The following IDH2 variants were observed in gnomAD, a reference collection of about 807,000 sequenced individuals.
IDH2 encodes isocitrate dehydrogenase (NADP(+)) 2.
IDH2 carries 18 observed loss-of-function variants against 50.5 expected under a neutral mutation model. The ratio of observed to expected loss-of-function variants is 0.36; its 90% CI spans 0.25 to 0.53. IDH2 has a LOEUF of 0.53. IDH2 is among the 20% of genes least tolerant of loss of function. The pLI is 0.92. For synonymous variants in IDH2, 280 were observed against 239.8 expected (o/e 1.17, Z -1.55); for missense variants, 518 against 610.7 (o/e 0.85, Z 1.60).
At chr15:90,086,359 T>C (rs776617289) in intron 7 of IDH2, among the ~76,000 whole-genome samples, 15 of 152,190 alleles carry the variant, frequency 9.9e-5, no homozygotes, top group Non-Finnish European at 1.5e-4. Flanking sequence ...TTCTCGCTGT[T>C]CTTCTCTAAT....
chr15:90,097,590 T>A (rs952271164), intron 1 of IDH2, among the ~76,000 whole-genome samples: 2 of 152,204 alleles, frequency 1.3e-5, no homozygotes, highest in Admixed American at 1.3e-4. Flanking sequence ...TACTATATGC[T>A]TCTACTTACA....
chr15:90,088,611 A>G lies in IDH2; in HGVS notation c.510T>C (p.Ile170=). 6.2e-7 allele frequency: 1 copy of G among 1,614,172 alleles called. No homozygotes were observed. Among genetic ancestry groups the G allele is most frequent in the Non-Finnish European group, 8.5e-7 (1 of 1,180,024 alleles). ...LVPGWTKPIT[I]GRHAHGDQYK... ...CCTGGTCGCCATGGGCGTGCCTGCC[A>G]ATGGTGATGGGCTTGGTCCAGCCAG... The change falls in exon 4 of 11, where the codon ATT becomes ATC. Residue 170 remains isoleucine (I), a synonymous_variant. Coordinates refer to ENST00000330062, the MANE Select transcript of IDH2 (RefSeq NM_002168.4).
intron 6 of IDH2, 60 bp from the exon 7 acceptor site, chr15:90,087,323 TC>T (rs1900886111): frequency 6.2e-7 from 1 of 1,610,236 alleles, no homozygotes; most frequent in Non-Finnish European, 8.5e-7. Flanking sequence ...TGGGGATCCC[TC>T]CCTGAGCCTC....
chr15:90,087,611 C>T (rs749466731), intron 5 of IDH2, 36 bp from the exon 6 acceptor site: 1 of 1,611,950 alleles, frequency 6.2e-7, no homozygotes, highest in South Asian at 1.1e-5. Flanking sequence ...GCGTGGTGCC[C>T]TAGCCTGGCG....
Position 90,085,026 on chromosome 15 carries a change from G to C in IDH2, c.1153C>G (p.Leu385Val), listed in dbSNP as rs1421900352. The C allele has an allele frequency of 6.2e-7, 1 of 1,613,998 alleles. No homozygotes were observed. Reference protein sequence around the residue: ...WTRGLEHRGKLDGNQDLIRFA... With the variant: ...WTRGLEHRGKVDGNQDLIRFA... ...CTGATGAGGTCTTGGTTCCCATCCA[G>C]CTTCCCCCGGTGCTCCAGGCCACGT... is the stretch of plus-strand genomic sequence containing the variant. The change falls in exon 9 of 11, where the codon CTG (leucine) becomes GTG (valine). Residue 385 changes from leucine (L) to valine (V), a missense_variant. By Grantham distance (32) the Leu-to-Val change is conservative. Coordinates refer to ENST00000330062, the MANE Select transcript of IDH2 (RefSeq NM_002168.4). This position sits in a 1 kb window ranked among gnomAD's most constrained non-coding sequence, Gnocchi z 5.5.
Position 90,085,820 on chromosome 15 carries a change from T to C in IDH2, c.968-433A>G, listed in dbSNP as rs888476479. 4.6e-5 allele frequency among the ~76,000 whole-genome samples: 7 copies of C among 152,212 alleles called. No individual in the cohort carries two copies. Among genetic ancestry groups the C allele is most frequent in the African/African-American group, 1.4e-4 (6 of 41,452 alleles). ...TTTTGCAGCTACTCTCTTAGGCCAC[T>C]TTCAAGCTTTTTGATTAATTTCTGA... is the stretch of plus-strand genomic sequence containing the variant. On this transcript the variant is annotated intron_variant, in intron 7 of 10. Coordinates refer to ENST00000330062, the MANE Select transcript of IDH2 (RefSeq NM_002168.4). This position sits in a 1 kb window ranked among gnomAD's most constrained non-coding sequence, Gnocchi z 5.5.
rs1237752648 is a variant in IDH2 at position 90,085,288 on chromosome 15, C to T, written c.1067G>A (p.Arg356Gln). Residue 356 changes from arginine (R) to glutamine (Q), a missense_variant, in exon 8 of 11, where the codon CGG (arginine) becomes CAG (glutamine). Coordinates refer to ENST00000330062, the MANE Select transcript of IDH2 (RefSeq NM_002168.4). This position sits in a 1 kb window ranked among gnomAD's most constrained non-coding sequence, Gnocchi z 5.5. Reference sequence around the variant, plus strand: ...CCCTGCACTCACCTTCTGGTGCTCCCGATAGTGGCGGGTGACGGTCCCATG... The same window carrying T: ...CCCTGCACTCACCTTCTGGTGCTCCTGATAGTGGCGGGTGACGGTCCCATG... ...AAHGTVTRHYREHQKGRPTST... is the reference protein window; with the variant it reads ...AAHGTVTRHYQEHQKGRPTST... 1.3e-5 allele frequency: 20 copies of T among 1,557,170 alleles called. No individual in the cohort carries two copies. The highest frequency in any genetic ancestry group is 2.4e-5 in the East Asian group (1 of 41,508).
chr15:90,090,163 C>T (rs979404783), intron 3 of IDH2, among the ~76,000 whole-genome samples: 1 of 152,224 alleles, frequency 6.6e-6, no homozygotes, highest in African/African-American at 2.4e-5. Context: ...AGAAACACCA[C>T]TGGCCTGGGA....
rs1377276549 is a variant in IDH2, at chr15:90,100,986, A to T, written c.115+1290T>A. On this transcript the variant is annotated intron_variant, in intron 1 of 10. Transcript: ENST00000330062. The surrounding 1 kb of genome is among the most constrained non-coding windows in gnomAD (Gnocchi z 4.1). ...GGCAGAAAAAAAGGGAGAATTAAAG[A>T]ATGTGGCTAACTTCCACCATATTTT... Among the ~76,000 whole-genome samples the T allele has an allele frequency of 2.6e-5, 4 of 151,570 alleles. 1 individual carries two copies. The highest frequency in any genetic ancestry group is 9.7e-5 in the African/African-American group (4 of 41,350).
chr15:90,098,531 C>CATGTATGTATGTATGT lies in IDH2; in HGVS notation c.115+3729_115+3744dup, dbSNP rs1555462242. ...GTATGTATGTATGTATGTATGCATG[C>CATGTATGTATGTATGT]ATGTATGTATGTATGTATGTATGTA... On this transcript the variant is annotated intron_variant, in intron 1 of 10. Transcript: ENST00000330062. This position sits in a 1 kb window ranked among gnomAD's most constrained non-coding sequence, Gnocchi z 5.1. 7.2e-6 allele frequency among the ~76,000 whole-genome samples: 1 copy of CATGTATGTATGTATGT among 138,354 alleles called. No individual in the cohort carries two copies. The highest frequency in any genetic ancestry group is 2.7e-5 in the African/African-American group (1 of 36,726). 90.8% of individuals were successfully genotyped at this position (138,354 alleles called of 152,430 possible).
Position 90,087,477 on chromosome 15 carries a change from A to G in IDH2, c.777T>C (p.Asp259=), listed in dbSNP as rs1434197123. ...STKNTILKAY[D]GRFKDIFQEI... ...CCTGGAAGATGTCCTTGAAACGCCC[A>G]TCGTAGGCTTTCAGTATGGTGTTCT... Residue 259 remains aspartate, a synonymous_variant, in exon 6 of 11, where the codon GAT becomes GAC. Transcript: ENST00000330062. 1 of 1,614,160 alleles carries G rather than the reference A, an allele frequency of 6.2e-7. No homozygotes were observed. The highest frequency in any genetic ancestry group is 2.2e-5 in the East Asian group (1 of 44,886).
Position 90,085,229 on chromosome 15 carries a change from C to A in IDH2, c.1080+46G>T, listed in dbSNP as rs2151546936. 5 of 1,531,226 alleles carry A rather than the reference C, an allele frequency of 3.3e-6. No homozygotes were observed. Among genetic ancestry groups the A allele is most frequent in the Non-Finnish European group, 4.5e-6 (5 of 1,120,574 alleles). 94.9% of individuals were successfully genotyped at this position (1,531,226 alleles called of 1,614,324 possible). A position where few individuals can be genotyped will look rare whatever the true frequency, so the allele number is the denominator to read the frequency against. ...AGCCCTCAGCCCAGTGGGCTTTAGG[C>A]CCCTGGGGTAGAGGGGCATTGTGAG... On this transcript the variant is annotated intron_variant, in intron 8 of 10. Transcript: ENST00000330062. The surrounding 1 kb of genome is among the most constrained non-coding windows in gnomAD (Gnocchi z 5.5).
chr15:90,088,239 C>T, intron 5 of IDH2, 120 bp downstream of exon 5: 1 of 1,309,356 alleles, frequency 7.6e-7, no homozygotes, highest in Non-Finnish European at 1.1e-6. Flanking sequence ...GCCCTGGTGG[C>T]CATTTCTGCC....
chr15:90,083,998 T>C lies in IDH2; in HGVS notation c.*268A>G. ...GACAATTTTGTGAAGAGCTTTTTAG[T>C]AGCTAAATATGGCACCATGTGTTCC... is the stretch of plus-strand genomic sequence containing the variant. On this transcript the variant is annotated 3_prime_UTR_variant, in exon 11 of 11. Transcript: ENST00000330062. 1.9e-6 allele frequency: 1 copy of C among 535,410 alleles called. No individual in the cohort carries two copies. The highest frequency in any genetic ancestry group is 3.4e-6 in the Non-Finnish European group (1 of 294,972). The allele number at this position is 535,410 out of a possible 1,614,324, so 33.2% of individuals were successfully genotyped here. A position where few individuals can be genotyped will look rare whatever the true frequency, so the allele number is the denominator to read the frequency against.
rs924770850 is a variant in IDH2, at chr15:90,089,239, T to C, written c.374-492A>G. 2.0e-5 allele frequency among the ~76,000 whole-genome samples: 3 copies of C among 152,048 alleles called. No homozygotes were observed. The East Asian group carries it at 5.8e-4, about 29-fold the overall frequency. ...AGTCTGCCAGTTTTAATGGTGAGGC[T>C]TACAAAAGTGGCTCAACCAAAGCTG... On this transcript the variant is annotated intron_variant, in intron 3 of 10. Transcript: ENST00000330062.
intron 1 of IDH2, among the ~76,000 whole-genome samples, chr15:90,093,823 T>G (rs1901112635): frequency 6.6e-6 from 1 of 152,256 alleles, no homozygotes; most frequent in South Asian, 2.1e-4. Flanking sequence ...TTTTGCCATG[T>G]TGGCCAGGCT....
intron 5 of IDH2, among the ~76,000 whole-genome samples, chr15:90,088,049 A>G (rs963674558): frequency 1.3e-5 from 2 of 152,096 alleles, no homozygotes; most frequent in Non-Finnish European, 2.9e-5. Context: ...AGGGTAGCCA[A>G]GCAGGCAGGA....
At chr15:90,095,190 T>G (rs1901150630) in intron 1 of IDH2, among the ~76,000 whole-genome samples, 1 of 152,114 alleles carries the variant, frequency 6.6e-6, no homozygotes, top group Non-Finnish European at 1.5e-5. Context: ...ATGCAGCCTC[T>G]GGAAGACCCG....
In IDH2 at chr15:90,084,719, T is replaced by G; in HGVS notation, c.1271+97A>C. 9.9e-7 allele frequency: 1 copy of G among 1,005,696 alleles called. No homozygotes were observed. Among genetic ancestry groups the G allele is most frequent in the Non-Finnish European group, 1.6e-6 (1 of 637,824 alleles). 62.3% of individuals were successfully genotyped at this position (1,005,696 alleles called of 1,614,324 possible). On this transcript the variant is annotated intron_variant, in intron 10 of 10. Transcript: ENST00000330062. The surrounding 1 kb of genome is among the most constrained non-coding windows in gnomAD (Gnocchi z 5.0). The stretch of plus-strand genomic sequence containing the variant: ...TGGACATGTCCTGCCCCAGGCCCCC[T>G]TGCAGCTAAGCTGACTCATGAGGGG...
Sources: allele counts gnomAD v4.1 joint callset (sites outside exome capture counted in the v4.1 genomes callset), GRCh38; gene constraint gnomAD v4.1.1; non-coding constraint Gnocchi (gnomAD v3.1); transcripts MANE v1.5; gene names NCBI Gene and HGNC (gene_info 2026-07-23, HGNC 2026-07-21).